NBAS: variants seen among roughly 807,000 people sequenced by gnomAD.
NBAS encodes the protein NAG/BC035112 fusion.
A neutral mutation model predicts 302.5 loss-of-function variants in NBAS; 219 were observed. The observed-to-expected ratio is 0.72, with a 90% CI of 0.65 to 0.81. The LOEUF (loss-of-function observed/expected upper bound fraction) is 0.81. Ranked by LOEUF, NBAS falls within the 30% of genes least tolerant of loss-of-function variation. NBAS has a pLI of 0.00. For synonymous variants in NBAS, 1,118 were observed against 1,021.6 expected, an observed-to-expected ratio of 1.09 and a Z score of -1.80; for missense variants, 2,932 against 2,841.6, an observed-to-expected ratio of 1.03 and a Z score of -0.72.
intron 26 of NBAS, among the ~76,000 whole-genome samples, chr2:15,396,783 G>C (rs1279720713): frequency 6.6e-6 from 1 of 152,098 alleles, no homozygotes; most frequent in Non-Finnish European, 1.5e-5. Context: ...GAGGTAAAAG[G>C]TAAAATCACT....
At chr2:15,393,863 A>AC in intron 28 of NBAS, 1 of 390,834 alleles carries the variant, frequency 2.6e-6, no homozygotes, top group Non-Finnish European at 5.1e-6. Flanking sequence ...CAAAAAAGTT[A>AC]CACTGTGTGA....
chr2:14,874,980 A>G, the NBAS span, among the ~76,000 whole-genome samples: 1 of 152,134 alleles, frequency 6.6e-6, no homozygotes, highest in Non-Finnish European at 1.5e-5. Flanking sequence ...TGAGAGAACT[A>G]GAAATAGAAA....
At chr2:15,051,272 C>T in the NBAS span, among the ~76,000 whole-genome samples, 76 of 152,262 alleles carry the variant, frequency 5.0e-4, no homozygotes, top group African/African-American at 1.8e-3. Flanking sequence ...GAATAACAGC[C>T]GCAGAGCCAG....
At chr2:15,169,513 AG>A (rs575366072) in intron 51 of NBAS, among the ~76,000 whole-genome samples, 19 of 152,160 alleles carry the variant, frequency 1.2e-4, no homozygotes, top group Non-Finnish European at 1.9e-4. Flanking sequence ...GAACCCTGAG[AG>A]GCCCTTGAAG....
At chr2:15,038,353 C>T in the NBAS span, among the ~76,000 whole-genome samples, 15 of 152,160 alleles carry the variant, frequency 9.9e-5, no homozygotes, top group South Asian at 1.0e-3. Context: ...CCTTGTGATT[C>T]GCCTGCCCTG....
intron 21 of NBAS, among the ~76,000 whole-genome samples, chr2:15,450,314 T>C (rs1038270832): frequency 1.3e-5 from 2 of 152,222 alleles, no homozygotes; most frequent in Non-Finnish European, 1.5e-5. Context: ...AGACTCAGTA[T>C]GTGAAATACT....
At chr2:15,111,816 G>A in the NBAS span, among the ~76,000 whole-genome samples, 4 of 149,778 alleles carry the variant, frequency 2.7e-5, no homozygotes, top group African/African-American at 9.8e-5. Context: ...AATAGAAGAG[G>A]GACTTTCTAG....
the NBAS span, among the ~76,000 whole-genome samples, chr2:15,147,623 A>G: frequency 6.6e-6 from 1 of 152,200 alleles, no homozygotes; most frequent in South Asian, 2.1e-4. Flanking sequence ...AATTAAAAAA[A>G]GAGATGTTCC....
chr2:15,098,552 G>A, the NBAS span, among the ~76,000 whole-genome samples: 2 of 115,646 alleles, frequency 1.7e-5, no homozygotes, highest in Non-Finnish European at 1.7e-5. Flanking sequence ...TATATAATAT[G>A]TTATATATTA....
chr2:14,858,803 T>C, the NBAS span, among the ~76,000 whole-genome samples: 1 of 152,014 alleles, frequency 6.6e-6, no homozygotes, highest in African/African-American at 2.4e-5. Flanking sequence ...TTGCACATTT[T>C]TAAAAACTAA....
rs1296346431 is a variant in NBAS at position 15,360,338 on chromosome 2, AAAAAAAAAC to A, written c.3818-3931_3818-3923del. On this transcript the variant is annotated intron_variant, in intron 32 of 51. Coordinates refer to ENST00000281513, the MANE Select transcript of NBAS (RefSeq NM_015909.4). ...TATAGGTTACCATAACTTAAAAAAA[AAAAAAAAAC>A]AAAACAAAACAGAATCTCACTGTGT... 2.3e-4 allele frequency among the ~76,000 whole-genome samples: 27 copies of A among 116,996 alleles called. 1 individual carries two copies. In the South Asian group the frequency reaches 6.8e-3, roughly 29 times the overall value. 76.8% of individuals were successfully genotyped at this position (116,996 alleles called of 152,430 possible). A position where few individuals can be genotyped will look rare whatever the true frequency, so the allele number is the denominator to read the frequency against.
chr2:15,488,839 G>A (rs1458483171), intron 12 of NBAS, 55 bp downstream of exon 12: 3 of 1,601,302 alleles, frequency 1.9e-6, no homozygotes, highest in Non-Finnish European at 2.6e-6. Flanking sequence ...AATAAAATTA[G>A]TATTGTCAAT....
At chr2:14,949,033 T>A in the NBAS span, among the ~76,000 whole-genome samples, 25 of 152,124 alleles carry the variant, frequency 1.6e-4, no homozygotes, top group African/African-American at 5.3e-4. Flanking sequence ...GAAAACTGAA[T>A]AACCATTTCA....
At chr2:15,297,862 C>CTG (rs911191061) in intron 40 of NBAS, among the ~76,000 whole-genome samples, 12 of 151,644 alleles carry the variant, frequency 7.9e-5, no homozygotes, top group Middle Eastern at 6.8e-3. Context: ...GTGCTTGTGT[C>CTG]TGTGTGTGTG....
At chr2:15,262,809 T>C (rs2148018977) in intron 44 of NBAS, among the ~76,000 whole-genome samples, 1 of 152,288 alleles carries the variant, frequency 6.6e-6, no homozygotes, top group South Asian at 2.1e-4. Flanking sequence ...ACTCATAGGG[T>C]GGCATAAAAA....
At chr2:15,205,476 A>AT (rs924708437) in intron 48 of NBAS, among the ~76,000 whole-genome samples, 2 of 94,182 alleles carry the variant, frequency 2.1e-5, no homozygotes, top group African/African-American at 1.6e-4. Context: ...GGTTGAATAA[A>AT]TTAAAAAAAA....
Position 15,383,395 on chromosome 2 carries a change from A to T in NBAS, c.3258-78T>A, listed in dbSNP as rs933600245. 1.3e-5 allele frequency: 17 copies of T among 1,304,778 alleles called. No individual in the cohort carries two copies. The African/African-American group carries it at 2.3e-4, about 18-fold the overall frequency. The allele number at this position is 1,304,778 out of a possible 1,614,324, so 80.8% of individuals were successfully genotyped here. A position where few individuals can be genotyped will look rare whatever the true frequency, so the allele number is the denominator to read the frequency against. On this transcript the variant is annotated intron_variant, in intron 28 of 51. Coordinates refer to ENST00000281513, the MANE Select transcript of NBAS (RefSeq NM_015909.4). ...CTCTTTCTTCAAATGATCTAAAGTT[A>T]AAAAAACAAAAACTGGTACCACCAC...
intron 12 of NBAS, among the ~76,000 whole-genome samples, chr2:15,479,364 G>T (rs1332423952): frequency 6.6e-6 from 1 of 152,116 alleles, no homozygotes; most frequent in Non-Finnish European, 1.5e-5. Context: ...CAACTAAACT[G>T]AAACTTTATT....
intron 23 of NBAS, among the ~76,000 whole-genome samples, chr2:15,418,899 G>A (rs1677073742): frequency 6.6e-6 from 1 of 152,178 alleles, no homozygotes; most frequent in Non-Finnish European, 1.5e-5. Context: ...GAGGATTTCT[G>A]AATGAGACAT....
Sources: allele counts gnomAD v4.1 joint callset (sites outside exome capture counted in the v4.1 genomes callset), GRCh38; gene constraint gnomAD v4.1.1; transcripts MANE v1.5; gene names NCBI Gene and HGNC (gene_info 2026-07-23, HGNC 2026-07-21).